The following CDK13 variants were observed in gnomAD, a reference collection of about 807,000 sequenced individuals.
CDK13 encodes the protein cyclin dependent kinase 13.
A neutral mutation model predicts 137.6 loss-of-function variants in CDK13; 40 were observed. The observed-to-expected ratio is 0.29, with a 90% CI of 0.23 to 0.38. CDK13 has a LOEUF of 0.38. Ranked by LOEUF, CDK13 falls within the 10% of genes least tolerant of loss-of-function variation. The pLI is 1.00. For synonymous variants in CDK13, 869 were observed against 760.1 expected (o/e 1.14, Z -2.36); for missense variants, 1,704 against 1,951.8 (o/e 0.87, Z 2.39).
chr7:39,979,544 A>C (rs925606135), intron 1 of CDK13, among the ~76,000 whole-genome samples: 1 of 151,948 alleles, frequency 6.6e-6, no homozygotes, highest in African/African-American at 2.4e-5. Flanking sequence ...TTAAGATGAT[A>C]TGGTACTCTA....
chr7:40,012,180 G>A (rs1035226623), intron 5 of CDK13, among the ~76,000 whole-genome samples: 1 of 152,130 alleles, frequency 6.6e-6, no homozygotes, highest in Non-Finnish European at 1.5e-5. Flanking sequence ...AGGATGTGGA[G>A]AAGTTGGAAC....
rs902803165 is a variant in CDK13, at chr7:39,951,123, G to C, written c.482G>C (p.Gly161Ala). The C allele has an allele frequency of 1.6e-5, 20 of 1,243,872 alleles. No individual in the cohort carries two copies. The highest frequency in any genetic ancestry group is 2.0e-5 in the Non-Finnish European group (20 of 995,164). 77.1% of individuals were successfully genotyped at this position (1,243,872 alleles called of 1,614,324 possible). A position where few individuals can be genotyped will look rare whatever the true frequency, so the allele number is the denominator to read the frequency against. Residue 161 changes from glycine to alanine, a missense_variant, in exon 1 of 14, where the codon GGG becomes GCG. Gly to Ala is a moderately conservative substitution (Grantham distance 60). This residue lies in a region of CDK13 where 1,051 missense variants were observed against 931.0 expected (regional missense o/e 1.13). Transcript: ENST00000181839. The part of the protein sequence containing the change: ...SQSEQGLLLG[G>A]ASAATAATAA... ...TCCGAGCAGGGGCTGCTGCTGGGGG[G>C]GGCCAGCGCGGCAACGGCGGCGACG...
At chr7:40,009,830 C>G (rs1019251600) in intron 5 of CDK13, among the ~76,000 whole-genome samples, 5 of 152,188 alleles carry the variant, frequency 3.3e-5, no homozygotes, top group African/African-American at 1.2e-4. Flanking sequence ...CTTCTACCAC[C>G]TGTATTCAGC....
chr7:39,962,088 A>G (rs541586908), intron 1 of CDK13, among the ~76,000 whole-genome samples: 2 of 152,368 alleles, frequency 1.3e-5, no homozygotes, highest in Admixed American at 6.5e-5. Context: ...ATAGTGCCGC[A>G]ATAAACATAC....
intron 9 of CDK13, chr7:40,069,175 C>T: frequency 2.7e-6 from 1 of 375,052 alleles, no homozygotes; most frequent in Non-Finnish European, 5.2e-6. Context: ...GTCGAGGCTA[C>T]AGTGAACTGT....
At chr7:40,070,307 T>C (rs1786386769) in intron 9 of CDK13, 1 of 144,518 alleles carries the variant, frequency 6.9e-6, no homozygotes, top group African/African-American at 2.6e-5. Flanking sequence ...TACTTGGGAG[T>C]CTGAGGCAGG....
At chr7:40,042,805 G>C (rs995483369) in intron 5 of CDK13, among the ~76,000 whole-genome samples, 1 of 150,088 alleles carries the variant, frequency 6.7e-6, no homozygotes, top group African/African-American at 2.4e-5. Flanking sequence ...TTTGAGACTG[G>C]GTCTGTCTCC....
intron 5 of CDK13, among the ~76,000 whole-genome samples, chr7:40,002,667 G>A (rs1784707534): frequency 1.3e-5 from 2 of 151,976 alleles, no homozygotes; most frequent in South Asian, 2.1e-4. Flanking sequence ...TGTAAATATA[G>A]GATCTTTATA....
rs1453560680 is a variant in CDK13 at position 40,063,232 on chromosome 7, G to T, written c.2780+132G>T. On this transcript the variant is annotated intron_variant, in intron 9 of 13. Transcript: ENST00000181839. ...TCTGGAGGGCTTATGACTGCTAAAT[G>T]GAGGACAAACTGAAATGTAGGCACT... The T allele has an allele frequency of 1.2e-5, 8 of 670,602 alleles. No individual in the cohort carries two copies. In the Admixed American group the frequency reaches 2.3e-4, roughly 19 times the overall value. The allele number at this position is 670,602 out of a possible 1,614,324, so 41.5% of individuals were successfully genotyped here.
intron 11 of CDK13, among the ~76,000 whole-genome samples, chr7:40,085,971 CCTT>C (rs779053014): frequency 1.3e-5 from 2 of 152,104 alleles, no homozygotes; most frequent in Non-Finnish European, 2.9e-5. Context: ...CAACCTATCC[CCTT>C]GCCTTCCTCC....
chr7:39,962,989 GT>G (rs1783783900), intron 1 of CDK13, among the ~76,000 whole-genome samples: 1 of 152,172 alleles, frequency 6.6e-6, no homozygotes, highest in African/African-American at 2.4e-5. Context: ...CTATATCTCT[GT>G]TTTAGTACCA....
chr7:40,079,426 A>T (rs1205638045), intron 11 of CDK13, among the ~76,000 whole-genome samples: 4 of 152,198 alleles, frequency 2.6e-5, no homozygotes, highest in Non-Finnish European at 5.9e-5. Context: ...TCTCAAAAAA[A>T]AAAAAATATT....
intron 11 of CDK13, among the ~76,000 whole-genome samples, chr7:40,081,506 T>C (rs1207677327): frequency 1.3e-5 from 2 of 152,230 alleles, no homozygotes; most frequent in African/African-American, 4.8e-5. Flanking sequence ...GTTACTCCCG[T>C]AGGCTTTTAT....
rs562174010 is a variant in CDK13, at chr7:40,015,905, A to C, written c.2353+13874A>C. Reference sequence around the variant, plus strand: ...AACCCAAACTGGCAGTGAAAGGAAGACTGACAAGTGAAACTCAAGAGCAGA... The same window carrying C: ...AACCCAAACTGGCAGTGAAAGGAAGCCTGACAAGTGAAACTCAAGAGCAGA... On this transcript the variant is annotated intron_variant, in intron 5 of 13. Transcript: ENST00000181839. Among the ~76,000 whole-genome samples, 18 of 152,318 alleles carry C rather than the reference A, an allele frequency of 1.2e-4. No individual in the cohort carries two copies. In the South Asian group the frequency reaches 3.5e-3, roughly 30 times the overall value.
chr7:39,970,899 T>G (rs867032839), intron 1 of CDK13, among the ~76,000 whole-genome samples: 1 of 152,252 alleles, frequency 6.6e-6, no homozygotes, highest in Non-Finnish European at 1.5e-5. Flanking sequence ...GATCCAACTT[T>G]CCATGTAGTA....
chr7:40,028,223 T>C (rs1282316163), intron 5 of CDK13, among the ~76,000 whole-genome samples: 1 of 147,928 alleles, frequency 6.8e-6, no homozygotes, highest in Admixed American at 6.7e-5. Context: ...ATTGACTTTT[T>C]TTTTTTTTTT....
chr7:40,003,653 C>T, intron 5 of CDK13, among the ~76,000 whole-genome samples: 1 of 152,162 alleles, frequency 6.6e-6, no homozygotes, highest in South Asian at 2.1e-4. Context: ...GCATTAACCT[C>T]AGGCTCTAGC....
At chr7:39,992,577 A>AT (rs1414976069) in intron 2 of CDK13, among the ~76,000 whole-genome samples, 1 of 151,842 alleles carries the variant, frequency 6.6e-6, no homozygotes, top group Non-Finnish European at 1.5e-5. Flanking sequence ...TGATCACAGT[A>AT]TCATTGTGAT....
intron 1 of CDK13, among the ~76,000 whole-genome samples, chr7:39,976,319 T>TCACACACA (rs1320736487): frequency 9.2e-5 from 5 of 54,320 alleles, no homozygotes; most frequent in African/African-American, 1.6e-4. Flanking sequence ...TCTCTCTCTC[T>TCACACACA]CTCTCACACA....
Sources: allele counts gnomAD v4.1 joint callset (sites outside exome capture counted in the v4.1 genomes callset), GRCh38; gene constraint gnomAD v4.1.1; regional missense constraint gnomAD v4.1.1; transcripts MANE v1.5; gene names NCBI Gene and HGNC (gene_info 2026-07-23, HGNC 2026-07-21).